PRKCZ: variants seen among roughly 807,000 people sequenced by gnomAD.
The protein encoded by PRKCZ is protein kinase C zeta type.
A neutral mutation model predicts 79.5 loss-of-function variants in PRKCZ; 33 were observed. That is an observed-to-expected ratio of 0.41 (90% CI 0.31 to 0.55). The LOEUF (loss-of-function observed/expected upper bound fraction) is 0.55, where lower values mean the gene tolerates loss of function less well. Among genes scored for constraint, PRKCZ ranks in the 20% least tolerant of loss-of-function variants. PRKCZ has a pLI of 0.19. For missense variants in PRKCZ, 578 were observed against 813.5 expected, an observed-to-expected ratio of 0.71 and a Z score of 3.52; for synonymous variants, 342 against 320.9, an observed-to-expected ratio of 1.07 and a Z score of -0.70.
At chr1:2,137,674 C>T (rs1557656247) in intron 5 of PRKCZ, among the ~76,000 whole-genome samples, 1 of 152,182 alleles carries the variant, frequency 6.6e-6, no homozygotes, top group South Asian at 2.1e-4. Flanking sequence ...GCCAGGGCTC[C>T]GGGCAGCACA....
At chr1:2,140,719 A>G (rs771359409) in intron 5 of PRKCZ, among the ~76,000 whole-genome samples, 2 of 152,208 alleles carry the variant, frequency 1.3e-5, no homozygotes, top group African/African-American at 2.4e-5. Context: ...CTGTAATCCC[A>G]GCACTTTGGG....
chr1:2,142,910 A>T (rs1003719227), intron 5 of PRKCZ: 4 of 152,110 alleles, frequency 2.6e-5, no homozygotes, highest in African/African-American at 7.3e-5. Context: ...CCTGATGCCC[A>T]CATGTGCTGA....
chr1:2,105,857 C>A (rs773273566), intron 4 of PRKCZ, among the ~76,000 whole-genome samples: 1 of 152,174 alleles, frequency 6.6e-6, no homozygotes, highest in Non-Finnish European at 1.5e-5. Context: ...TAGTTGTCAT[C>A]GTCGGATGAG....
intron 7 of PRKCZ, among the ~76,000 whole-genome samples, chr1:2,147,060 C>G (rs896331581): frequency 6.6e-6 from 1 of 152,270 alleles, no homozygotes; most frequent in East Asian, 1.9e-4. Flanking sequence ...ATCTTCCATT[C>G]GTTCATCTGT....
At position 2,080,329 on chromosome 1, in the gene PRKCZ, C is replaced by T. The variant is rs549201190; in HGVS notation, c.334+20738C>T. Reference sequence around the variant, plus strand: ...AGAAGGTCTTTAGGTAGGGGCAGTGCGCGTGGACGTGGCGGTGCGCGTGGA... The same window carrying T: ...AGAAGGTCTTTAGGTAGGGGCAGTGTGCGTGGACGTGGCGGTGCGCGTGGA... On this transcript the variant is annotated intron_variant, in intron 4 of 17. Coordinates refer to ENST00000378567, the MANE Select transcript of PRKCZ (RefSeq NM_002744.6). Among the ~76,000 whole-genome samples, 33 of 152,206 alleles carry T rather than the reference C, an allele frequency of 2.2e-4. 3 individuals are homozygous for T. The South Asian group carries it at 5.2e-3, about 24-fold the overall frequency.
intron 6 of PRKCZ, chr1:2,144,969 G>A (rs1678197429): frequency 6.5e-6 from 1 of 152,932 alleles, no homozygotes; most frequent in Non-Finnish European, 1.5e-5. Flanking sequence ...CGTGCAGTGG[G>A]TGTGTCTGGG....
intron 2 of PRKCZ, 69 bp downstream of exon 2, chr1:2,055,631 C>T (rs1024568219): frequency 5.3e-5 from 82 of 1,551,164 alleles, no homozygotes; most frequent in Middle Eastern, 1.9e-4. Flanking sequence ...CCTCTGTGTG[C>T]GGAGTGTGCT....
intron 4 of PRKCZ, among the ~76,000 whole-genome samples, chr1:2,111,087 T>C (rs1006103583): frequency 5.3e-5 from 8 of 151,726 alleles, no homozygotes; most frequent in Admixed American, 3.3e-4. Flanking sequence ...AGGAGGAAAG[T>C]TGGGCCTGCT....
chr1:2,080,360 C>T (rs1211774973), intron 4 of PRKCZ, among the ~76,000 whole-genome samples: 1 of 151,924 alleles, frequency 6.6e-6, no homozygotes, highest in Non-Finnish European at 1.5e-5. Flanking sequence ...GTGGACGTGG[C>T]AGGTGTGGAC....
chr1:2,095,296 G>A (rs913512357), intron 4 of PRKCZ, among the ~76,000 whole-genome samples: 56 of 152,154 alleles, frequency 3.7e-4, no homozygotes, highest in African/African-American at 1.3e-3. Context: ...CCTTGTGTGC[G>A]TCCTGAGCTC....
intron 5 of PRKCZ, among the ~76,000 whole-genome samples, chr1:2,136,963 T>G (rs1374461234): frequency 6.6e-6 from 1 of 151,988 alleles, no homozygotes; most frequent in African/African-American, 2.4e-5. Context: ...GGGAGTTGAT[T>G]AGGGAGAACT....
rs142672617 is a variant in PRKCZ at position 2,178,144 on chromosome 1, T to C, written c.1575+2831T>C. Among the ~76,000 whole-genome samples the C allele has an allele frequency of 6.0e-4, 92 of 152,320 alleles. No homozygotes were observed. The highest frequency in any genetic ancestry group is 2.0e-3 in the African/African-American group (85 of 41,572). Reference sequence around the variant, plus strand: ...GGTTCTGAGCAATCCCAGAGTTACATGACGTCATCGCGATCACTTTCATCA... The same window carrying C: ...GGTTCTGAGCAATCCCAGAGTTACACGACGTCATCGCGATCACTTTCATCA... On this transcript the variant is annotated intron_variant, in intron 16 of 17. Transcript: ENST00000378567. The surrounding 1 kb of genome is among the most constrained non-coding windows in gnomAD (Gnocchi z 4.3).
At position 2,150,778 on chromosome 1, in the gene PRKCZ, C is replaced by G. The variant is rs774603276; in HGVS notation, c.688-12C>G. On this transcript the variant is annotated splice_polypyrimidine_tract_variant and intron_variant, in intron 8 of 17. Coordinates refer to ENST00000378567, the MANE Select transcript of PRKCZ (RefSeq NM_002744.6). The stretch of plus-strand genomic sequence containing the variant: ...CCCTCTCACTTTCTGGGGTCTTGTT[C>G]TCCCTCCCTAGGACCTTAAGCCAGT... The G allele has an allele frequency of 3.1e-6, 5 of 1,607,944 alleles. 1 individual carries two copies. In the African/African-American group the frequency reaches 5.3e-5, roughly 17 times the overall value.
chr1:2,084,818 G>A (rs1557521785), intron 4 of PRKCZ, among the ~76,000 whole-genome samples: 1 of 152,066 alleles, frequency 6.6e-6, no homozygotes, highest in Non-Finnish European at 1.5e-5. Flanking sequence ...ACCAGCCTGG[G>A]CAACATGGCA....
At chr1:2,118,888 T>C (rs1671298904) in intron 4 of PRKCZ, among the ~76,000 whole-genome samples, 1 of 152,186 alleles carries the variant, frequency 6.6e-6, no homozygotes, top group Non-Finnish European at 1.5e-5. Context: ...AGTCTGAAAA[T>C]GGCTGTGTTT....
chr1:2,156,118 T>C (rs3123592), intron 10 of PRKCZ, 26 bp downstream of exon 10: 159,797 of 1,576,344 alleles, frequency 0.1, 8,660 homozygotes, highest in South Asian at 0.12. Context: ...GTATTTCTGA[T>C]ATTCTGCAGA....
Position 2,056,551 on chromosome 1 carries a change from G to T in PRKCZ, c.261G>T (p.Arg87Ser). The T allele has an allele frequency of 6.2e-7, 1 of 1,613,890 alleles. No individual in the cohort carries two copies. Among genetic ancestry groups the T allele is most frequent in the South Asian group, 1.1e-5 (1 of 90,980 alleles). ...CTTTCCGCCTGGCCCGTCAGTGCAG[G>T]GATGAAGGCCTCATCATTCATGGTT... ...EEAFRLARQC[R>S]DEGLIIHVFP... The change falls in exon 3 of 18, where the codon AGG becomes AGT. Residue 87 changes from arginine to serine, a missense_variant. Arg to Ser is a moderately radical substitution (Grantham distance 110). This residue lies in a region of PRKCZ where 228 missense variants were observed against 211.6 expected (regional missense o/e 1.08). Coordinates refer to ENST00000378567, the MANE Select transcript of PRKCZ (RefSeq NM_002744.6).
Position 2,061,305 on chromosome 1 carries a change from T to C in PRKCZ, c.334+1714T>C, listed in dbSNP as rs562642911. On this transcript the variant is annotated intron_variant, in intron 4 of 17. Coordinates refer to ENST00000378567, the MANE Select transcript of PRKCZ (RefSeq NM_002744.6). ...GGGGGCCTGGGGTCTGCTCTTTCTG[T>C]CTACGACCTCGGCATTGCCTCTCTG... is the stretch of plus-strand genomic sequence containing the variant. Among the ~76,000 whole-genome samples the C allele has an allele frequency of 1.1e-4, 17 of 152,162 alleles. No individual in the cohort carries two copies. The East Asian group carries it at 3.1e-3, about 28-fold the overall frequency.
At position 2,174,027 on chromosome 1, in the gene PRKCZ, C is replaced by G. The variant is rs765337884; in HGVS notation, c.1405+11C>G. ...ACTACCTTTTCCAAGGTGCGTGCCCCGCTGTGCGTTCGTACCCCTCACCTG... is the reference window on the plus strand; with the variant it reads ...ACTACCTTTTCCAAGGTGCGTGCCCGGCTGTGCGTTCGTACCCCTCACCTG... On this transcript the variant is annotated intron_variant, in intron 14 of 17. Transcript: ENST00000378567. This position sits in a 1 kb window ranked among gnomAD's most constrained non-coding sequence, Gnocchi z 6.2. The G allele has an allele frequency of 6.3e-6, 10 of 1,593,358 alleles. No homozygotes were observed. In the South Asian group the frequency reaches 1.1e-4, roughly 18 times the overall value.
Sources: gnomAD v4.1 joint callset for allele counts (sites outside exome capture counted in the v4.1 genomes callset) on GRCh38, gnomAD v4.1.1 for gene constraint, gnomAD v4.1.1 regional missense constraint, Gnocchi (gnomAD v3.1) non-coding constraint, MANE v1.5 for transcripts, NCBI Gene and HGNC (gene_info 2026-07-23, HGNC 2026-07-21) for gene names.